The following KCNIP4 variants were observed in gnomAD, a reference collection of about 807,000 sequenced individuals.
KCNIP4 encodes the protein Kv channel-interacting protein 4.
Under a neutral mutation model 34.0 loss-of-function variants are expected in KCNIP4, and 12 were observed. That is an observed-to-expected ratio of 0.35 (90% CI 0.23 to 0.57). The LOEUF is 0.57. Ranked by LOEUF, KCNIP4 falls within the 20% of genes least tolerant of loss-of-function variation. KCNIP4 has a pLI of 0.83. For missense variants in KCNIP4, 238 were observed against 311.7 expected (o/e 0.76, Z 1.78); for synonymous variants, 124 against 102.2 (o/e 1.21, Z -1.29).
intron 1 of KCNIP4, among the ~76,000 whole-genome samples, chr4:21,576,016 C>T (rs916343296): frequency 6.6e-6 from 1 of 152,118 alleles, no homozygotes; most frequent in Non-Finnish European, 1.5e-5. Context: ...TTAGGGCTCA[C>T]AGGTGAGCAA....
intron 3 of KCNIP4, among the ~76,000 whole-genome samples, chr4:20,766,564 TCAAA>T (rs138009804): frequency 0.013 from 2,013 of 152,108 alleles, 27 homozygotes; most frequent in African/African-American, 0.038. Context: ...AAACTCCATC[TCAAA>T]CAAACAAACA....
chr4:20,910,804 T>C (rs529234739), intron 1 of KCNIP4, among the ~76,000 whole-genome samples: 14 of 152,294 alleles, frequency 9.2e-5, no homozygotes, highest in African/African-American at 2.6e-4. Flanking sequence ...ACTGAAGATA[T>C]AGTTATGCTT....
chr4:20,944,259 G>A (rs1182885140), intron 1 of KCNIP4, among the ~76,000 whole-genome samples: 1 of 152,158 alleles, frequency 6.6e-6, no homozygotes, highest in African/African-American at 2.4e-5. Flanking sequence ...GTGATCTGGA[G>A]GAGCAGTTTC....
At chr4:20,778,861 C>G (rs1476363410) in intron 3 of KCNIP4, among the ~76,000 whole-genome samples, 2 of 151,994 alleles carry the variant, frequency 1.3e-5, no homozygotes, top group African/African-American at 2.4e-5. Context: ...TTAGAGAGAG[C>G]TGTGTGTGCA....
At chr4:21,166,608 A>G (rs1753640474) in intron 1 of KCNIP4, among the ~76,000 whole-genome samples, 2 of 152,220 alleles carry the variant, frequency 1.3e-5, no homozygotes. Context: ...ATTATTCATA[A>G]TAGCCCCAAA....
intron 1 of KCNIP4, among the ~76,000 whole-genome samples, chr4:20,953,067 A>C (rs892426499): frequency 1.3e-5 from 2 of 152,244 alleles, no homozygotes; most frequent in Non-Finnish European, 2.9e-5. Flanking sequence ...TTGAGAATTA[A>C]AGTTTGAAAA....
intron 1 of KCNIP4, among the ~76,000 whole-genome samples, chr4:21,269,153 G>A (rs566773734): frequency 6.6e-6 from 1 of 152,290 alleles, no homozygotes; most frequent in African/African-American, 2.4e-5. Flanking sequence ...GGACTGGAAA[G>A]CTACTAAAAA....
intron 3 of KCNIP4, among the ~76,000 whole-genome samples, chr4:20,815,701 A>G (rs561344805): frequency 3.3e-5 from 5 of 152,320 alleles, no homozygotes; most frequent in African/African-American, 1.2e-4. Context: ...AATGTTAGAC[A>G]TTGTCCAGTG....
chr4:21,185,108 A>T (rs1755118775), intron 1 of KCNIP4, among the ~76,000 whole-genome samples: 1 of 152,338 alleles, frequency 6.6e-6, no homozygotes, highest in South Asian at 2.1e-4. Flanking sequence ...GACAGAATAC[A>T]CTTCACTTTT....
chr4:21,466,619 A>T (rs1729963255), intron 1 of KCNIP4, among the ~76,000 whole-genome samples: 1 of 152,178 alleles, frequency 6.6e-6, no homozygotes, highest in Non-Finnish European at 1.5e-5. Flanking sequence ...ACAGCAAGAG[A>T]GAGAGGTCAA....
At chr4:21,660,151 A>C (rs910985408) in intron 1 of KCNIP4, among the ~76,000 whole-genome samples, 2 of 152,046 alleles carry the variant, frequency 1.3e-5, no homozygotes, top group African/African-American at 2.4e-5. Flanking sequence ...TATCTTCCCT[A>C]TCCTGTGTAC....
At position 20,979,399 on chromosome 4, in the gene KCNIP4, CT is replaced by C. The variant is rs762394597; in HGVS notation, c.62-96691del. Reference sequence around the variant, plus strand: ...TAGTATCTCTGCTTCCACTTTCTTTCTTTTTTTTTTTTTTTTTGAGATGGAG... The same window carrying C: ...TAGTATCTCTGCTTCCACTTTCTTTCTTTTTTTTTTTTTTTTGAGATGGAG... On this transcript the variant is annotated intron_variant, in intron 1 of 8. Transcript: ENST00000382152. Among the ~76,000 whole-genome samples the C allele has an allele frequency of 5.6e-3, 752 of 133,270 alleles. 5 individuals carry two copies. Among genetic ancestry groups the C allele is most frequent in the African/African-American group, 0.014 (507 of 35,688 alleles). 87.4% of individuals were successfully genotyped at this position (133,270 alleles called of 152,430 possible).
chr4:21,122,993 A>G (rs1360195686), intron 1 of KCNIP4, among the ~76,000 whole-genome samples: 1 of 152,062 alleles, frequency 6.6e-6, no homozygotes, highest in Non-Finnish European at 1.5e-5. Context: ...GGCAGATCAC[A>G]AGGTCAGGAG....
chr4:21,178,128 T>G (rs915837019), intron 1 of KCNIP4, among the ~76,000 whole-genome samples: 1 of 152,140 alleles, frequency 6.6e-6, no homozygotes, highest in Admixed American at 6.5e-5. Context: ...ATTTCTATCT[T>G]CATTACAACA....
intron 1 of KCNIP4, among the ~76,000 whole-genome samples, chr4:21,144,123 C>T (rs1390569134): frequency 6.6e-6 from 1 of 152,166 alleles, no homozygotes; most frequent in African/African-American, 2.4e-5. Context: ...TAGATACACA[C>T]ATGAATTTTA....
In KCNIP4 at chr4:21,374,248, A is replaced by C. The variant is rs1238553923; in HGVS notation, c.62-491539T>G. Among the ~76,000 whole-genome samples the C allele has an allele frequency of 4.1e-5, 6 of 147,210 alleles. 1 individual carries two copies. In the East Asian group the frequency reaches 1.2e-3, roughly 29 times the overall value. ...CCAAGACTGGCTAATTTACAAGGAAAAAGAGGTGTAAAGGACTCACAGTTC... is the reference window on the plus strand; with the variant it reads ...CCAAGACTGGCTAATTTACAAGGAACAAGAGGTGTAAAGGACTCACAGTTC... On this transcript the variant is annotated intron_variant, in intron 1 of 8. Coordinates refer to ENST00000382152, the MANE Select transcript of KCNIP4 (RefSeq NM_025221.6).
intron 1 of KCNIP4, among the ~76,000 whole-genome samples, chr4:21,687,761 T>C (rs1359252751): frequency 6.6e-6 from 1 of 152,118 alleles, no homozygotes; most frequent in Non-Finnish European, 1.5e-5. Context: ...TTCAAAACAA[T>C]GATAATATGA....
chr4:20,740,259 C>A (rs1750742356), intron 5 of KCNIP4, among the ~76,000 whole-genome samples: 1 of 151,972 alleles, frequency 6.6e-6, no homozygotes, highest in Non-Finnish European at 1.5e-5. Context: ...TCCTTAAGAG[C>A]AATTCCAAGA....
intron 1 of KCNIP4, among the ~76,000 whole-genome samples, chr4:21,106,657 T>C (rs139679882): frequency 6.6e-6 from 1 of 151,570 alleles, no homozygotes. Flanking sequence ...ATGTGTTTGC[T>C]CTTGCTTTTC....
Sources: allele counts gnomAD v4.1 joint callset (sites outside exome capture counted in the v4.1 genomes callset), GRCh38; gene constraint gnomAD v4.1.1; transcripts MANE v1.5; gene names NCBI Gene and HGNC (gene_info 2026-07-23, HGNC 2026-07-21).